Variants in CACNA2D3 observed in about 807,000 individuals in gnomAD.
CACNA2D3 encodes the protein voltage-dependent calcium channel subunit alpha-2/delta-3.
Under a neutral mutation model 160.6 loss-of-function variants are expected in CACNA2D3, and 60 were observed. The observed-to-expected ratio is 0.37, with a 90% confidence interval of 0.30 to 0.46. The LOEUF is 0.46. Among genes scored for constraint, CACNA2D3 ranks in the 20% least tolerant of loss-of-function variants. The pLI is 1.00. For synonymous variants in CACNA2D3, 558 were observed against 492.9 expected (o/e 1.13, Z -1.75); for missense variants, 1,205 against 1,365.0 (o/e 0.88, Z 1.85).
In CACNA2D3 at chr3:54,252,100, G is replaced by GTTTTTTTTTTTTTTTTT. The variant is rs548233026; in HGVS notation, c.205-68328_205-68327insTTTTTTTTTTTTTTTTT. On this transcript the variant is annotated intron_variant, in intron 2 of 37. Coordinates refer to ENST00000474759, the MANE Select transcript of CACNA2D3 (RefSeq NM_018398.3). Reference sequence around the variant, plus strand: ...TCCAATTTCTCTTTTTGCAGAGCTAGTTTTTTTTTTTTTTGTACGATACTC... The same window carrying GTTTTTTTTTTTTTTTTT: ...TCCAATTTCTCTTTTTGCAGAGCTAGTTTTTTTTTTTTTTTTTTTTTTTTTTTTTTTGTACGATACTC... Among the ~76,000 whole-genome samples, 171 of 120,938 alleles carry GTTTTTTTTTTTTTTTTT rather than the reference G, an allele frequency of 1.4e-3. 10 individuals are homozygous for GTTTTTTTTTTTTTTTTT. The highest frequency in any genetic ancestry group is 9.2e-3 in the East Asian group (40 of 4,336). 79.3% of individuals were successfully genotyped at this position (120,938 alleles called of 152,430 possible). A position where few individuals can be genotyped will look rare whatever the true frequency, so the allele number is the denominator to read the frequency against.
intron 17 of CACNA2D3, among the ~76,000 whole-genome samples, chr3:54,848,501 A>G (rs1321503826): frequency 6.6e-6 from 1 of 152,112 alleles, no homozygotes. Flanking sequence ...TGACAAGAAC[A>G]TAAGGAATGA....
chr3:54,456,565 T>G (rs537908982), intron 4 of CACNA2D3, among the ~76,000 whole-genome samples: 7 of 152,048 alleles, frequency 4.6e-5, no homozygotes, highest in Non-Finnish European at 8.8e-5. Flanking sequence ...TATAGTTTTC[T>G]TTTTTTGGTT....
At chr3:54,788,114 A>C (rs1489862048) in intron 13 of CACNA2D3, among the ~76,000 whole-genome samples, 3 of 152,170 alleles carry the variant, frequency 2.0e-5, no homozygotes, top group Admixed American at 2.0e-4. Flanking sequence ...ATTAATTAGC[A>C]TCCTGCTGTA....
chr3:54,716,144 A>G (rs2106974019), intron 11 of CACNA2D3, among the ~76,000 whole-genome samples: 1 of 152,216 alleles, frequency 6.6e-6, no homozygotes, highest in East Asian at 1.9e-4. Context: ...ATTTTAGACT[A>G]ACAAGAAATG....
At chr3:54,401,481 G>C (rs1575435030) in intron 4 of CACNA2D3, among the ~76,000 whole-genome samples, 2 of 152,114 alleles carry the variant, frequency 1.3e-5, no homozygotes, top group African/African-American at 2.4e-5. Flanking sequence ...ATGACAAAGA[G>C]ATAATTTTAA....
intron 2 of CACNA2D3, among the ~76,000 whole-genome samples, chr3:54,311,201 G>C (rs542715900): frequency 6.6e-6 from 1 of 152,228 alleles, no homozygotes; most frequent in Admixed American, 6.5e-5. Flanking sequence ...GAGGGAGACA[G>C]AGTAGGAACT....
chr3:54,917,159 CA>C (rs1306701579), intron 27 of CACNA2D3, among the ~76,000 whole-genome samples: 1 of 152,208 alleles, frequency 6.6e-6, no homozygotes, highest in East Asian at 1.9e-4. Flanking sequence ...GCAAAATTTA[CA>C]AAATGCATAA....
chr3:54,822,832 T>TTTCTTTCTTTCTTTCTTTTC (rs1553874401), intron 14 of CACNA2D3, among the ~76,000 whole-genome samples: 61 of 58,024 alleles, frequency 1.1e-3, no homozygotes, highest in African/African-American at 1.8e-3. Flanking sequence ...TCTTTCTTTC[T>TTTCTTTCTTTCTTTCTTTTC]TTTCTTTCTT....
intron 4 of CACNA2D3, among the ~76,000 whole-genome samples, chr3:54,496,738 T>C (rs1262751125): frequency 6.6e-6 from 1 of 152,178 alleles, no homozygotes; most frequent in East Asian, 1.9e-4. Flanking sequence ...TATCCTTTAC[T>C]TTTTTCCTAG....
chr3:54,232,199 G>T (rs528550475), intron 2 of CACNA2D3, among the ~76,000 whole-genome samples: 1 of 152,164 alleles, frequency 6.6e-6, no homozygotes, highest in Admixed American at 6.5e-5. Flanking sequence ...TCCAATCCTG[G>T]ATCAGTCACT....
At chr3:54,865,992 C>T (rs544634572) in intron 17 of CACNA2D3, among the ~76,000 whole-genome samples, 1 of 152,010 alleles carries the variant, frequency 6.6e-6, no homozygotes, top group Admixed American at 6.6e-5. Context: ...TGATTAGAAT[C>T]AGAGTCTGAC....
At chr3:54,732,653 T>C (rs1701413500) in intron 11 of CACNA2D3, among the ~76,000 whole-genome samples, 1 of 152,226 alleles carries the variant, frequency 6.6e-6, no homozygotes, top group Non-Finnish European at 1.5e-5. Context: ...CTTTATTGAT[T>C]TCCCAGTACT....
At chr3:54,142,727 C>T in intron 2 of CACNA2D3, among the ~76,000 whole-genome samples, 1 of 152,160 alleles carries the variant, frequency 6.6e-6, no homozygotes, top group East Asian at 1.9e-4. Flanking sequence ...CTATTACCAT[C>T]CATATTTAAC....
intron 10 of CACNA2D3, among the ~76,000 whole-genome samples, chr3:54,637,159 C>T (rs1420036941): frequency 6.6e-6 from 1 of 151,870 alleles, no homozygotes; most frequent in Non-Finnish European, 1.5e-5. Flanking sequence ...AGTTTATAGG[C>T]TTTAAAAGGC....
intron 4 of CACNA2D3, among the ~76,000 whole-genome samples, chr3:54,441,766 G>T (rs961990329): frequency 6.6e-6 from 1 of 152,130 alleles, no homozygotes; most frequent in Non-Finnish European, 1.5e-5. Context: ...CCTTTTATGT[G>T]CCAGGTATCA....
intron 2 of CACNA2D3, among the ~76,000 whole-genome samples, chr3:54,251,042 A>C (rs1203705014): frequency 6.6e-6 from 1 of 152,192 alleles, no homozygotes; most frequent in Non-Finnish European, 1.5e-5. Flanking sequence ...CCTACAGACT[A>C]TGAGCACAGA....
chr3:54,145,619 C>T (rs1274136133), intron 2 of CACNA2D3, among the ~76,000 whole-genome samples: 2 of 152,180 alleles, frequency 1.3e-5, no homozygotes, highest in African/African-American at 4.8e-5. Context: ...CTGCGATCTA[C>T]GTTTCTCTGG....
intron 3 of CACNA2D3, among the ~76,000 whole-genome samples, chr3:54,324,884 G>GAC (rs1389689494): frequency 1.3e-5 from 2 of 151,698 alleles, no homozygotes; most frequent in East Asian, 3.9e-4. Context: ...ATTCCTAAGT[G>GAC]ACACCTGGAA....
rs1465075660 is a variant in CACNA2D3 at position 54,909,304 on chromosome 3, C to T, written c.2449+9436C>T. On this transcript the variant is annotated intron_variant, in intron 27 of 37. Coordinates refer to ENST00000474759, the MANE Select transcript of CACNA2D3 (RefSeq NM_018398.3). ...TGCCCTCACATGCTTTGGTGGAAAA[C>T]AGTTTATGGGATTTTTTTTTTTTTC... Among the ~76,000 whole-genome samples the T allele has an allele frequency of 3.3e-5, 5 of 151,872 alleles. No individual in the cohort carries two copies. In the East Asian group the frequency reaches 9.7e-4, roughly 29 times the overall value.
Sources: gnomAD v4.1 joint callset for allele counts (sites outside exome capture counted in the v4.1 genomes callset) on GRCh38, gnomAD v4.1.1 for gene constraint, MANE v1.5 for transcripts, NCBI Gene and HGNC (gene_info 2026-07-23, HGNC 2026-07-21) for gene names.